The following MCU variants were observed in gnomAD, a reference collection of about 807,000 sequenced individuals.
MCU encodes the protein calcium uniporter protein, mitochondrial.
Under a neutral mutation model 45.2 loss-of-function variants are expected in MCU, and 12 were observed. The observed-to-expected ratio is 0.27, with a 90% CI of 0.17 to 0.43. The LOEUF is 0.43. Among genes scored for constraint, MCU ranks in the 20% least tolerant of loss-of-function variants. The probability of loss-of-function intolerance (pLI) is 1.00; values close to 1 mark genes in which losing one functional copy is unlikely to be tolerated. For synonymous variants in MCU, 160 were observed against 165.1 expected (o/e 0.97, Z 0.24); for missense variants, 324 against 436.7 (o/e 0.74, Z 2.30).
chr10:72,806,406 C>T (rs1844451791), intron 1 of MCU, among the ~76,000 whole-genome samples: 1 of 152,150 alleles, frequency 6.6e-6, no homozygotes, highest in Admixed American at 6.5e-5. Context: ...CTGATCCGCC[C>T]ATCTTGGCCT....
In MCU at chr10:72,859,212, A is replaced by C; in HGVS notation, c.256A>C (p.Ile86Leu). Residue 86 changes from isoleucine to leucine, a missense_variant, in exon 3 of 8, where the codon ATA becomes CTA. Physicochemically the swap from Ile to Leu is conservative, Grantham distance 5. Around this residue, in one of 4 missense-constraint regions of MCU, gnomAD observed 111 missense variants for 112.3 expected, o/e 0.99. Coordinates refer to ENST00000373053, the MANE Select transcript of MCU (RefSeq NM_138357.3). ...GGTTTATCAAAATGGGTTACCTGTG[A>C]TATCTGTGAGGCTACCATCCCGGCG... ...TVVYQNGLPV[I>L]SVRLPSRRER... 1.2e-6 allele frequency: 2 copies of C among 1,610,352 alleles called. No homozygotes were observed.
At chr10:72,859,668 G>A (rs903497089) in intron 3 of MCU, among the ~76,000 whole-genome samples, 5 of 152,056 alleles carry the variant, frequency 3.3e-5, no homozygotes, top group African/African-American at 1.2e-4. Context: ...TACTTTCGGT[G>A]TAGAATAAAT....
chr10:72,865,953 A>AT (rs1209848810), intron 4 of MCU, among the ~76,000 whole-genome samples: 1 of 151,174 alleles, frequency 6.6e-6, no homozygotes, highest in Non-Finnish European at 1.5e-5. Context: ...ATTTTTTTGT[A>AT]TTTTTAGTAG....
chr10:72,706,242 C>T (rs1265013055), intron 1 of MCU, among the ~76,000 whole-genome samples: 1 of 149,616 alleles, frequency 6.7e-6, no homozygotes, highest in Admixed American at 6.6e-5. Flanking sequence ...TTTTAAGTAG[C>T]CATTACTAAG....
intron 1 of MCU, among the ~76,000 whole-genome samples, chr10:72,781,762 C>CT (rs11454638): frequency 0.053 from 8,033 of 151,564 alleles, 712 homozygotes; most frequent in African/African-American, 0.18. Context: ...TATGTTATTT[C>CT]TTTTTTTTTC....
chr10:72,796,558 T>G (rs1454517991), intron 1 of MCU, among the ~76,000 whole-genome samples: 1 of 152,192 alleles, frequency 6.6e-6, no homozygotes, highest in Non-Finnish European at 1.5e-5. Context: ...CAGGTCTCGC[T>G]TTGTTACTCA....
intron 2 of MCU, 43 bp downstream of exon 2, chr10:72,834,471 C>G (rs201645756): frequency 1.3e-6 from 2 of 1,522,940 alleles, no homozygotes. Flanking sequence ...ATATTATTTC[C>G]TTCTTAGCTC....
At chr10:72,876,779 G>A (rs191493349) in intron 6 of MCU, among the ~76,000 whole-genome samples, 1 of 152,234 alleles carries the variant, frequency 6.6e-6, no homozygotes, top group African/African-American at 2.4e-5. Flanking sequence ...CCCTCCACAT[G>A]TTCTTAATCC....
intron 2 of MCU, among the ~76,000 whole-genome samples, chr10:72,854,578 A>T (rs2132861940): frequency 6.6e-6 from 1 of 152,340 alleles, no homozygotes; most frequent in East Asian, 1.9e-4. Flanking sequence ...ACTGACTGTG[A>T]TATGGTAAAG....
intron 1 of MCU, among the ~76,000 whole-genome samples, chr10:72,757,224 A>C (rs1480902548): frequency 2.0e-5 from 3 of 152,166 alleles, no homozygotes; most frequent in Non-Finnish European, 4.4e-5. Context: ...AAGAGCTGAG[A>C]GCCAAATAGG....
At chr10:72,706,267 G>A (rs554617060) in intron 1 of MCU, among the ~76,000 whole-genome samples, 16 of 147,008 alleles carry the variant, frequency 1.1e-4, no homozygotes, top group Admixed American at 5.5e-4. Flanking sequence ...AAACCTTTTC[G>A]TAGTAAAATT....
At chr10:72,789,740 A>G (rs188198991) in intron 1 of MCU, among the ~76,000 whole-genome samples, 4 of 152,280 alleles carry the variant, frequency 2.6e-5, no homozygotes, top group Non-Finnish European at 4.4e-5. Flanking sequence ...ATTCTCCATC[A>G]AATTTTCACC....
At chr10:72,835,226 T>C (rs954596766) in intron 2 of MCU, among the ~76,000 whole-genome samples, 2 of 152,222 alleles carry the variant, frequency 1.3e-5, no homozygotes, top group Non-Finnish European at 2.9e-5. Flanking sequence ...TTCGTAAATG[T>C]CTATGATGCT....
At chr10:72,715,632 C>A (rs1842947575) in intron 1 of MCU, among the ~76,000 whole-genome samples, 1 of 152,138 alleles carries the variant, frequency 6.6e-6, no homozygotes, top group African/African-American at 2.4e-5. Flanking sequence ...CCTAGGAAAG[C>A]CAATTACCTT....
intron 1 of MCU, among the ~76,000 whole-genome samples, chr10:72,769,622 T>TTAC (rs1208825849): frequency 6.6e-6 from 1 of 152,118 alleles, no homozygotes; most frequent in Non-Finnish European, 1.5e-5. Context: ...TAAAATGCAG[T>TTAC]TACAAACCAT....
chr10:72,807,659 A>G (rs1053335956), intron 1 of MCU, among the ~76,000 whole-genome samples: 1 of 151,368 alleles, frequency 6.6e-6, no homozygotes, highest in African/African-American at 2.4e-5. Flanking sequence ...CTCTCCTCTC[A>G]CACACACACA....
rs917777755 is a variant in MCU, at chr10:72,693,057, A to G, written c.150+756A>G. On this transcript the variant is annotated intron_variant, in intron 1 of 7. Coordinates refer to ENST00000373053, the MANE Select transcript of MCU (RefSeq NM_138357.3). Reference sequence around the variant, plus strand: ...AAGGGTGGTCAGCAGGCACAGGAGAAGCGAATATGGTAAGTTGTTGACAGA... The same window carrying G: ...AAGGGTGGTCAGCAGGCACAGGAGAGGCGAATATGGTAAGTTGTTGACAGA... The G allele has an allele frequency of 1.3e-5, 20 of 1,536,050 alleles. No homozygotes were observed. The African/African-American group carries it at 1.9e-4, about 15-fold the overall frequency.
chr10:72,716,502 C>T (rs1842956322), intron 1 of MCU, among the ~76,000 whole-genome samples: 1 of 152,098 alleles, frequency 6.6e-6, no homozygotes, highest in Non-Finnish European at 1.5e-5. Context: ...TTCACACTGA[C>T]TCTCATTTCT....
intron 2 of MCU, among the ~76,000 whole-genome samples, chr10:72,849,210 G>C (rs1845168911): frequency 6.6e-6 from 1 of 151,548 alleles, no homozygotes; most frequent in South Asian, 2.1e-4. Context: ...GAGCCTGGGA[G>C]GCGCAGGTTG....
Sources: gnomAD v4.1 joint callset for allele counts (sites outside exome capture counted in the v4.1 genomes callset) on GRCh38, gnomAD v4.1.1 for gene constraint, gnomAD v4.1.1 regional missense constraint, MANE v1.5 for transcripts, NCBI Gene and HGNC (gene_info 2026-07-23, HGNC 2026-07-21) for gene names.